TTC23L: variants seen among roughly 807,000 people sequenced by gnomAD.
TTC23L encodes tetratricopeptide repeat protein 23-like.
In TTC23L, 42 loss-of-function variants were observed where a neutral mutation model predicts 48.1. The ratio of observed to expected loss-of-function variants is 0.87; its 90% CI spans 0.68 to 1.13. The LOEUF (loss-of-function observed/expected upper bound fraction) is 1.13. Among genes scored for constraint, TTC23L ranks in the 50% most tolerant of loss-of-function variants. The pLI, the probability that TTC23L is intolerant of heterozygous loss-of-function variation, is 0.00. For missense variants in TTC23L, 391 were observed against 421.0 expected, an observed-to-expected ratio of 0.93 and a Z score of 0.62; for synonymous variants, 159 against 157.2, an observed-to-expected ratio of 1.01 and a Z score of -0.09.
At chr5:34,852,046 C>T (rs1759715150) in intron 4 of TTC23L, among the ~76,000 whole-genome samples, 1 of 152,022 alleles carries the variant, frequency 6.6e-6, no homozygotes, top group Admixed American at 6.6e-5. Flanking sequence ...GATTTTTTTA[C>T]TTTTTATATT....
At chr5:34,889,860 GA>G (rs1323007301) in intron 9 of TTC23L, among the ~76,000 whole-genome samples, 84 of 151,028 alleles carry the variant, frequency 5.6e-4, no homozygotes, top group Admixed American at 1.3e-3. Context: ...GTTTTTTTGA[GA>G]CAGAGTCTTG....
chr5:34,920,005 T>G, the TTC23L span: 2 of 515,698 alleles, frequency 3.9e-6, no homozygotes, highest in Non-Finnish European at 7.1e-6. Context: ...CACATTTTAT[T>G]AACTCTTCAA....
At chr5:34,906,945 C>G in the TTC23L span, 2 of 152,138 alleles carry the variant, frequency 1.3e-5, no homozygotes, top group Non-Finnish European at 2.9e-5. Flanking sequence ...ACTCTGACAA[C>G]ATTTAGTAAA....
intron 3 of TTC23L, 158 bp downstream of exon 3, chr5:34,845,831 C>A: frequency 1.4e-6 from 1 of 705,204 alleles, no homozygotes; most frequent in Non-Finnish European, 2.3e-6. Flanking sequence ...ACTTAGGTAG[C>A]CAGCCCACCT....
At chr5:34,872,548 A>G (rs1761537759) in intron 8 of TTC23L, among the ~76,000 whole-genome samples, 1 of 152,200 alleles carries the variant, frequency 6.6e-6, no homozygotes, top group African/African-American at 2.4e-5. Context: ...ATTTAAAAAT[A>G]TATAGCAGTT....
intron 9 of TTC23L, among the ~76,000 whole-genome samples, chr5:34,890,829 C>T (rs995885382): frequency 3.9e-5 from 6 of 152,086 alleles, no homozygotes; most frequent in African/African-American, 1.2e-4. Flanking sequence ...CTGGTCCAAA[C>T]TTCTGTGGCC....
At chr5:34,900,407 A>AG (rs1763476458), downstream of TTC23L, among the ~76,000 whole-genome samples, 1 of 151,836 alleles carries the variant, frequency 6.6e-6, no homozygotes, top group Non-Finnish European at 1.5e-5. Flanking sequence ...AGGCAGAGGA[A>AG]GGCAGACTGC....
At chr5:34,843,648 G>A (rs1015131005) in intron 2 of TTC23L, among the ~76,000 whole-genome samples, 1 of 152,168 alleles carries the variant, frequency 6.6e-6, no homozygotes, top group African/African-American at 2.4e-5. Flanking sequence ...AGCAAAATTT[G>A]CTATTGAGAT....
downstream of TTC23L, among the ~76,000 whole-genome samples, chr5:34,900,639 G>C (rs1286258808): frequency 6.6e-6 from 1 of 152,210 alleles, no homozygotes; most frequent in Non-Finnish European, 1.5e-5. Flanking sequence ...CTCAATCTTT[G>C]ATACATATCA....
intron 3 of TTC23L, among the ~76,000 whole-genome samples, chr5:34,846,319 G>A (rs1759135044): frequency 6.6e-6 from 1 of 151,586 alleles, no homozygotes; most frequent in Admixed American, 6.6e-5. Flanking sequence ...CAGCACTTTG[G>A]GAGGCCAAGG....
intron 3 of TTC23L, among the ~76,000 whole-genome samples, chr5:34,848,405 C>G (rs887757775): frequency 6.6e-6 from 1 of 152,168 alleles, no homozygotes; most frequent in African/African-American, 2.4e-5. Context: ...GAATGTGTTA[C>G]ACCTGTGTGT....
downstream of TTC23L, among the ~76,000 whole-genome samples, chr5:34,904,107 A>G (rs1301027996): frequency 2.0e-5 from 3 of 151,690 alleles, no homozygotes; most frequent in East Asian, 3.9e-4. Context: ...CTGGGACTAC[A>G]TGCATACTCC....
the TTC23L span, chr5:34,918,437 T>TTA: frequency 1.2e-6 from 2 of 1,610,712 alleles, no homozygotes; most frequent in Non-Finnish European, 1.7e-6. Context: ...AGACATTTAA[T>TTA]GCAGGACTTG....
intron 9 of TTC23L, among the ~76,000 whole-genome samples, chr5:34,896,522 TAACA>T (rs1763237953): frequency 1.3e-5 from 2 of 152,302 alleles, no homozygotes; most frequent in South Asian, 2.1e-4. Flanking sequence ...TTCATTCCTT[TAACA>T]AACATTTTTT....
intron 8 of TTC23L, among the ~76,000 whole-genome samples, chr5:34,874,858 A>G (rs1179629618): frequency 6.6e-6 from 1 of 152,242 alleles, no homozygotes; most frequent in East Asian, 1.9e-4. Context: ...TAATCCAACT[A>G]TATTAACAAT....
At chr5:34,872,102 A>G (rs1222166243) in intron 8 of TTC23L, among the ~76,000 whole-genome samples, 1 of 150,362 alleles carries the variant, frequency 6.7e-6, no homozygotes, top group Non-Finnish European at 1.5e-5. Flanking sequence ...ACATAGTGAG[A>G]CCCCATCTCT....
chr5:34,923,808 T>C, the TTC23L span, among the ~76,000 whole-genome samples: 1 of 152,204 alleles, frequency 6.6e-6, no homozygotes, highest in Non-Finnish European at 1.5e-5. Context: ...CCTAAAGAGA[T>C]TGCTGCAAGT....
chr5:34,865,500 G>T (rs373259961), intron 6 of TTC23L, among the ~76,000 whole-genome samples: 2 of 152,178 alleles, frequency 1.3e-5, no homozygotes, highest in African/African-American at 4.8e-5. Flanking sequence ...TTATGTGAAA[G>T]ATAGTCTTAT....
the TTC23L span, among the ~76,000 whole-genome samples, chr5:34,912,307 T>C: frequency 2.6e-5 from 4 of 152,128 alleles, no homozygotes; most frequent in African/African-American, 7.2e-5. Context: ...AATTTAAAAA[T>C]CAAATTGAGA....
Sources: allele counts gnomAD v4.1 joint callset (sites outside exome capture counted in the v4.1 genomes callset), GRCh38; gene constraint gnomAD v4.1.1; transcripts MANE v1.5; gene names NCBI Gene and HGNC (gene_info 2026-07-23, HGNC 2026-07-21).